LRRC8D: variants seen among roughly 807,000 people sequenced by gnomAD.
LRRC8D encodes the protein leucine rich repeat containing 8 VRAC subunit D.
LRRC8D carries 20 observed loss-of-function variants against 55.8 expected under a neutral mutation model. That is an observed-to-expected ratio of 0.36 (90% CI 0.25 to 0.52). LRRC8D has a LOEUF of 0.52. Among genes scored for constraint, LRRC8D ranks in the 20% least tolerant of loss-of-function variants. The pLI, the probability that LRRC8D is intolerant of heterozygous loss-of-function variation, is 0.93. For synonymous variants in LRRC8D, 352 were observed against 377.0 expected (o/e 0.93, Z 0.77); for missense variants, 651 against 1,030.8 (o/e 0.63, Z 5.05).
chr1:89,883,085 T>C (rs896037465), intron 2 of LRRC8D, among the ~76,000 whole-genome samples: 15 of 152,136 alleles, frequency 9.9e-5, no homozygotes, highest in African/African-American at 3.6e-4. Context: ...TCCTGGCTAC[T>C]GAGGAGGCTG....
At chr1:89,861,753 A>G (rs558478306) in intron 2 of LRRC8D, among the ~76,000 whole-genome samples, 106 of 152,380 alleles carry the variant, frequency 7.0e-4, no homozygotes, top group African/African-American at 2.3e-3. Context: ...GCAGTTGGAT[A>G]TAGATGGAGA....
intron 2 of LRRC8D, among the ~76,000 whole-genome samples, chr1:89,877,026 A>G (rs1035302081): frequency 1.3e-5 from 2 of 152,264 alleles, no homozygotes; most frequent in Non-Finnish European, 2.9e-5. Flanking sequence ...TTAAACCTCA[A>G]TAGCCACATT....
Position 89,934,331 on chromosome 1 carries a change from C to T in LRRC8D, c.1263C>T (p.His421=), listed in dbSNP as rs1255900421. 2 of 1,613,516 alleles carry T rather than the reference C, an allele frequency of 1.2e-6. No individual in the cohort carries two copies. Among genetic ancestry groups the T allele is most frequent in the African/African-American group, 1.3e-5 (1 of 74,912 alleles). The change falls in exon 3 of 3, where the codon CAC becomes CAT. Residue 421 remains histidine, a synonymous_variant. Transcript: ENST00000337338. The surrounding 1 kb of genome is among the most constrained non-coding windows in gnomAD (Gnocchi z 5.9). The stretch of plus-strand genomic sequence containing the variant: ...AAAACGATTTTGCGTTCCTTCTTCA[C>T]ATGGTAGACCAGTATGACCAGCTAT... ...DVKNDFAFLL[H]MVDQYDQLYS... is the part of the protein sequence containing the mutation.
chr1:89,895,084 C>G (rs1662672597), intron 2 of LRRC8D, among the ~76,000 whole-genome samples: 1 of 148,502 alleles, frequency 6.7e-6, no homozygotes, highest in Non-Finnish European at 1.5e-5. Flanking sequence ...GACTCCTGTA[C>G]TTGCTTGTCT....
At chr1:89,832,932 C>A (rs1164771072) in intron 1 of LRRC8D, among the ~76,000 whole-genome samples, 1 of 152,148 alleles carries the variant, frequency 6.6e-6, no homozygotes, top group Non-Finnish European at 1.5e-5. Flanking sequence ...TGACAACAGC[C>A]CCATTTTGTA....
At chr1:89,930,842 G>A (rs1406591094) in intron 2 of LRRC8D, among the ~76,000 whole-genome samples, 1 of 151,386 alleles carries the variant, frequency 6.6e-6, no homozygotes, top group Non-Finnish European at 1.5e-5. Context: ...AGCTTGCTGT[G>A]ATTCCAGTAG....
At chr1:89,844,843 GGGATGGCTGAGAATAA>G (rs1661232818) in intron 2 of LRRC8D, among the ~76,000 whole-genome samples, 6 of 152,252 alleles carry the variant, frequency 3.9e-5, no homozygotes, top group African/African-American at 1.4e-4. Flanking sequence ...TAAGGGGAGT[GGGATGGCTGAGAATAA>G]TCAGTTTGAT....
chr1:89,866,325 A>G (rs949104432), intron 2 of LRRC8D, among the ~76,000 whole-genome samples: 4 of 152,236 alleles, frequency 2.6e-5, no homozygotes, highest in Non-Finnish European at 5.9e-5. Context: ...TGATGTGGCA[A>G]TTATAAATAC....
At chr1:89,861,668 G>A (rs1198912295) in intron 2 of LRRC8D, among the ~76,000 whole-genome samples, 1 of 152,176 alleles carries the variant, frequency 6.6e-6, no homozygotes, top group East Asian at 1.9e-4. Flanking sequence ...CTTTTACAAA[G>A]CCAAGATTCA....
At chr1:89,871,063 G>A (rs1193205115) in intron 2 of LRRC8D, among the ~76,000 whole-genome samples, 1 of 152,124 alleles carries the variant, frequency 6.6e-6, no homozygotes, top group East Asian at 1.9e-4. Context: ...ACTTCCTGTG[G>A]TGGTGTTTCA....
chr1:89,827,714 T>C (rs1230924467), intron 1 of LRRC8D, among the ~76,000 whole-genome samples: 1 of 152,238 alleles, frequency 6.6e-6, no homozygotes, highest in Non-Finnish European at 1.5e-5. Flanking sequence ...TGCCTCCTTG[T>C]CTTCCTGCTC....
At chr1:89,879,726 T>C (rs1662233961) in intron 2 of LRRC8D, among the ~76,000 whole-genome samples, 1 of 152,240 alleles carries the variant, frequency 6.6e-6, no homozygotes, top group Non-Finnish European at 1.5e-5. Flanking sequence ...TTAAAATTAA[T>C]TAACAATTTA....
In LRRC8D at chr1:89,935,831, A is replaced by G. The variant is rs1347982973; in HGVS notation, c.*186A>G. 8.3e-6 allele frequency: 4 copies of G among 481,930 alleles called. No individual in the cohort carries two copies. The Admixed American group carries it at 1.2e-4, about 14-fold the overall frequency. The allele number at this position is 481,930 out of a possible 1,614,324, so 29.9% of individuals were successfully genotyped here. A position where few individuals can be genotyped will look rare whatever the true frequency, so the allele number is the denominator to read the frequency against. On this transcript the variant is annotated 3_prime_UTR_variant, in exon 3 of 3. Coordinates refer to ENST00000337338, the MANE Select transcript of LRRC8D (RefSeq NM_001134479.2). Reference sequence around the variant, plus strand: ...TTCAATGTTTGTAGGGTTTTAAGTCATTCATTTCCAAATCATTTTTTTTTT... The same window carrying G: ...TTCAATGTTTGTAGGGTTTTAAGTCGTTCATTTCCAAATCATTTTTTTTTT...
chr1:89,828,395 A>G (rs558460297), intron 1 of LRRC8D, among the ~76,000 whole-genome samples: 2 of 152,358 alleles, frequency 1.3e-5, no homozygotes, highest in South Asian at 2.1e-4. Flanking sequence ...AGTGAAGACA[A>G]TGCAACAAGC....
At chr1:89,870,883 A>G (rs1009760232) in intron 2 of LRRC8D, among the ~76,000 whole-genome samples, 20 of 152,358 alleles carry the variant, frequency 1.3e-4, no homozygotes, top group Admixed American at 6.5e-4. Flanking sequence ...TAAGCTAACT[A>G]ATAGCATTGT....
chr1:89,893,218 A>G (rs1218786011), intron 2 of LRRC8D, among the ~76,000 whole-genome samples: 1 of 152,228 alleles, frequency 6.6e-6, no homozygotes, highest in Middle Eastern at 3.2e-3. Flanking sequence ...AGTGTTGAGA[A>G]GAAGGGAACA....
At chr1:89,886,003 C>T (rs1319753319) in intron 2 of LRRC8D, among the ~76,000 whole-genome samples, 1 of 152,208 alleles carries the variant, frequency 6.6e-6, no homozygotes, top group Non-Finnish European at 1.5e-5. Flanking sequence ...CTTTACCTCA[C>T]TTACTTGCAT....
chr1:89,851,490 A>T (rs1233792263), intron 2 of LRRC8D, among the ~76,000 whole-genome samples: 3 of 148,398 alleles, frequency 2.0e-5, no homozygotes, highest in Non-Finnish European at 3.0e-5. Context: ...AGTACAATGT[A>T]TTTTCCCCTT....
Position 89,935,671 on chromosome 1 carries a change from G to A in LRRC8D, c.*26G>A, listed in dbSNP as rs750183572. ...ACTAAGATAATATATGCACAGTGAT[G>A]TGCAGGAACAACTTCCTAGATTGCA... On this transcript the variant is annotated 3_prime_UTR_variant, in exon 3 of 3. Coordinates refer to ENST00000337338, the MANE Select transcript of LRRC8D (RefSeq NM_001134479.2). The A allele has an allele frequency of 1.3e-6, 2 of 1,593,300 alleles. No individual in the cohort carries two copies. Among genetic ancestry groups the A allele is most frequent in the East Asian group, 2.2e-5 (1 of 44,576 alleles).
Sources: gnomAD v4.1 joint callset for allele counts (sites outside exome capture counted in the v4.1 genomes callset) on GRCh38, gnomAD v4.1.1 for gene constraint, Gnocchi (gnomAD v3.1) non-coding constraint, MANE v1.5 for transcripts, NCBI Gene and HGNC (gene_info 2026-07-23, HGNC 2026-07-21) for gene names.